Variants in MALRD1 observed in about 807,000 individuals in gnomAD.
MALRD1 encodes the protein MAM and LDL receptor class A domain containing 1.
Under a neutral mutation model 242.1 loss-of-function variants are expected in MALRD1, and 247 were observed. The ratio of observed to expected loss-of-function variants is 1.02; its 90% confidence interval spans 0.92 to 1.13. The LOEUF (loss-of-function observed/expected upper bound fraction) is 1.13, where lower values mean the gene tolerates loss of function less well. MALRD1 is among the 50% of genes most tolerant of loss of function. MALRD1 has a pLI of 0.00. For missense variants in MALRD1, 2,989 were observed against 2,533.1 expected, an observed-to-expected ratio of 1.18 and a Z score of -3.86; for synonymous variants, 995 against 866.6, an observed-to-expected ratio of 1.15 and a Z score of -2.60.
At chr10:19,672,411 C>CTTT (rs200485712) in intron 36 of MALRD1, among the ~76,000 whole-genome samples, 2,162 of 125,446 alleles carry the variant, frequency 0.017, 88 homozygotes, top group African/African-American at 0.064. Flanking sequence ...AGATATATAG[C>CTTT]TTTTTTTTTT....
intron 38 of MALRD1, among the ~76,000 whole-genome samples, chr10:19,703,916 A>G (rs565423159): frequency 2.5e-4 from 38 of 152,144 alleles, no homozygotes; most frequent in Non-Finnish European, 4.6e-4. Flanking sequence ...AATAAATAAA[A>G]TAAAAATTGC....
chr10:19,691,412 G>A (rs1842814357), intron 36 of MALRD1, among the ~76,000 whole-genome samples: 1 of 152,018 alleles, frequency 6.6e-6, no homozygotes, highest in Non-Finnish European at 1.5e-5. Flanking sequence ...TTGTACTGAA[G>A]AAGCATTGCT....
chr10:19,447,099 C>T (rs979233027), intron 28 of MALRD1, among the ~76,000 whole-genome samples: 5 of 147,442 alleles, frequency 3.4e-5, no homozygotes, highest in Non-Finnish European at 7.5e-5. Context: ...CACACACACA[C>T]ACAGAGCATG....
At chr10:19,385,352 C>T (rs1283121862) in intron 26 of MALRD1, among the ~76,000 whole-genome samples, 1 of 151,988 alleles carries the variant, frequency 6.6e-6, no homozygotes, top group South Asian at 2.1e-4. Flanking sequence ...TAGTAGAATT[C>T]ACCCTTGAAG....
chr10:19,355,858 T>TATATATATGATATATATA (rs57813656), intron 26 of MALRD1, among the ~76,000 whole-genome samples: 2 of 94,924 alleles, frequency 2.1e-5, no homozygotes, highest in African/African-American at 7.4e-5. Context: ...TATATATATA[T>TATATATATGATATATATA]TATATATGAT....
At chr10:19,547,500 A>G (rs1835258503) in intron 32 of MALRD1, among the ~76,000 whole-genome samples, 1 of 151,808 alleles carries the variant, frequency 6.6e-6, no homozygotes, top group African/African-American at 2.4e-5. Context: ...CTAAAACCAC[A>G]TCTGAAATTA....
At chr10:19,632,786 C>G (rs947727609) in intron 36 of MALRD1, among the ~76,000 whole-genome samples, 1 of 152,006 alleles carries the variant, frequency 6.6e-6, no homozygotes, top group Non-Finnish European at 1.5e-5. Flanking sequence ...TCTCATTTTC[C>G]TAAGAAATAT....
intron 11 of MALRD1, among the ~76,000 whole-genome samples, chr10:19,149,160 G>T (rs1251124317): frequency 1.3e-5 from 2 of 151,626 alleles, no homozygotes; most frequent in Non-Finnish European, 2.9e-5. Context: ...TAGTTGCTCA[G>T]GCTGGAGTGC....
At position 19,257,683 on chromosome 10, in the gene MALRD1, G is replaced by A; in HGVS notation, c.2992-1G>A. ...TTTTATTTTTTATTTTATTTTTTTA[G>A]ATATTGGTGGAGGCTTCAGTGGGAG... On this transcript the variant is annotated splice_acceptor_variant, in intron 18 of 39. Coordinates refer to ENST00000454679, the MANE Select transcript of MALRD1 (RefSeq NM_001142308.3). LOFTEE classifies it high-confidence loss of function. 1 of 1,522,074 alleles carries A rather than the reference G, an allele frequency of 6.6e-7. No individual in the cohort carries two copies. The highest frequency in any genetic ancestry group is 8.9e-7 in the Non-Finnish European group (1 of 1,129,020). The allele number at this position is 1,522,074 out of a possible 1,614,324, so 94.3% of individuals were successfully genotyped here. A position where few individuals can be genotyped will look rare whatever the true frequency, so the allele number is the denominator to read the frequency against.
intron 4 of MALRD1, among the ~76,000 whole-genome samples, chr10:19,097,927 T>A (rs7092121): frequency 0.54 from 82,477 of 151,966 alleles, 22,547 homozygotes; most frequent in Middle Eastern, 0.6. Context: ...TGTATAAACA[T>A]GTATTGTACC....
rs78458252 is a variant in MALRD1, at chr10:19,230,061, C to T, written c.2991+20381C>T. On this transcript the variant is annotated intron_variant, in intron 18 of 39. Coordinates refer to ENST00000454679, the MANE Select transcript of MALRD1 (RefSeq NM_001142308.3). Reference sequence around the variant, plus strand: ...TGGTTTTATAAGGCGAAACCCCTTTCGCCTTTCACTTGGTTCTCATTTGCT... The same window carrying T: ...TGGTTTTATAAGGCGAAACCCCTTTTGCCTTTCACTTGGTTCTCATTTGCT... Among the ~76,000 whole-genome samples, 1,476 of 152,222 alleles carry T rather than the reference C, an allele frequency of 9.7e-3. 25 individuals are homozygous for T. Among genetic ancestry groups the T allele is most frequent in the African/African-American group, 0.032 (1,331 of 41,542 alleles).
chr10:19,219,112 T>C (rs1021237802), intron 18 of MALRD1, among the ~76,000 whole-genome samples: 2 of 152,264 alleles, frequency 1.3e-5, no homozygotes, highest in East Asian at 1.9e-4. Context: ...TCTATTTTTT[T>C]CCCACGTTTT....
intron 35 of MALRD1, among the ~76,000 whole-genome samples, chr10:19,614,159 A>T (rs1230042905): frequency 6.6e-6 from 1 of 152,032 alleles, no homozygotes; most frequent in South Asian, 2.1e-4. Context: ...ACCCTATGAG[A>T]TACTTATTGT....
chr10:19,562,729 C>T (rs1003626877), intron 32 of MALRD1, among the ~76,000 whole-genome samples: 7 of 152,088 alleles, frequency 4.6e-5, no homozygotes, highest in African/African-American at 1.2e-4. Context: ...GGCAGGTGAG[C>T]GAGCATTAAC....
intron 18 of MALRD1, among the ~76,000 whole-genome samples, chr10:19,214,291 G>C (rs953164439): frequency 6.6e-6 from 1 of 152,118 alleles, no homozygotes; most frequent in Non-Finnish European, 1.5e-5. Context: ...ACTTTCTCCA[G>C]GCATAAATTA....
chr10:19,592,728 GACACACAC>G lies in MALRD1; in HGVS notation c.5681-2439_5681-2432del, dbSNP rs71949886. Among the ~76,000 whole-genome samples the G allele has an allele frequency of 7.9e-4, 98 of 123,910 alleles. 1 individual carries two copies. Among genetic ancestry groups the G allele is most frequent in the African/African-American group, 2.3e-3 (80 of 34,896 alleles). The allele number at this position is 123,910 out of a possible 152,430, so 81.3% of individuals were successfully genotyped here. Reference sequence around the variant, plus strand: ...TATCCACTATAAGGAAAAATATAAAGACACACACACACACACACACACACACACACACA... The same window carrying G: ...TATCCACTATAAGGAAAAATATAAAGACACACACACACACACACACACACA... On this transcript the variant is annotated intron_variant, in intron 33 of 39. Coordinates refer to ENST00000454679, the MANE Select transcript of MALRD1 (RefSeq NM_001142308.3).
At chr10:19,440,788 G>C (rs1316573480) in intron 28 of MALRD1, among the ~76,000 whole-genome samples, 2 of 152,128 alleles carry the variant, frequency 1.3e-5, no homozygotes, top group African/African-American at 2.4e-5. Context: ...ATTGTGAATA[G>C]TGCCGCAATA....
chr10:19,072,222 G>C (rs2131258865), intron 2 of MALRD1, among the ~76,000 whole-genome samples: 1 of 152,128 alleles, frequency 6.6e-6, no homozygotes, highest in Middle Eastern at 3.4e-3. Context: ...ATCTATTCCA[G>C]GCATCTGCAT....
At chr10:19,345,326 T>C (rs1053507794) in intron 24 of MALRD1, among the ~76,000 whole-genome samples, 2 of 152,198 alleles carry the variant, frequency 1.3e-5, no homozygotes, top group African/African-American at 4.8e-5. Flanking sequence ...TAGATGCTGC[T>C]CTATATGCTA....
Sources: allele counts gnomAD v4.1 joint callset (sites outside exome capture counted in the v4.1 genomes callset), GRCh38; gene constraint gnomAD v4.1.1; transcripts MANE v1.5; gene names NCBI Gene and HGNC (gene_info 2026-07-23, HGNC 2026-07-21).